Variants in BBS9 observed in about 807,000 individuals in gnomAD.
BBS9 encodes protein PTHB1.
In BBS9, 89 loss-of-function variants were observed where a neutral mutation model predicts 117.7. The observed-to-expected ratio is 0.76, with a 90% CI of 0.64 to 0.90. The LOEUF (loss-of-function observed/expected upper bound fraction) is 0.90. Ranked by LOEUF, BBS9 falls within the 40% of genes least tolerant of loss-of-function variation. The pLI is 0.00. For synonymous variants in BBS9, 379 were observed against 370.9 expected, an observed-to-expected ratio of 1.02 and a Z score of -0.25; for missense variants, 982 against 1,042.2, an observed-to-expected ratio of 0.94 and a Z score of 0.80.
intron 5 of BBS9, among the ~76,000 whole-genome samples, chr7:33,187,553 C>T (rs771071791): frequency 6.6e-6 from 1 of 152,134 alleles, no homozygotes; most frequent in Non-Finnish European, 1.5e-5. Flanking sequence ...CTCATCCATT[C>T]GATGCATATT....
At chr7:33,247,674 C>G (rs969955329) in intron 5 of BBS9, among the ~76,000 whole-genome samples, 1 of 152,152 alleles carries the variant, frequency 6.6e-6, no homozygotes, top group Non-Finnish European at 1.5e-5. Context: ...CCCATGTTCA[C>G]CCAACTTTCT....
At chr7:33,140,021 T>G (rs1309277618) in intron 1 of BBS9, among the ~76,000 whole-genome samples, 1 of 151,978 alleles carries the variant, frequency 6.6e-6, no homozygotes, top group Non-Finnish European at 1.5e-5. Context: ...TCTGGTAGAT[T>G]CCTCTTCTTT....
chr7:33,610,637 G>A (rs1864809154), downstream of BBS9, among the ~76,000 whole-genome samples: 2 of 152,032 alleles, frequency 1.3e-5, no homozygotes, highest in African/African-American at 4.8e-5. Flanking sequence ...TAACAGTCTC[G>A]CCTCTAAATA....
intron 19 of BBS9, among the ~76,000 whole-genome samples, chr7:33,406,798 A>G (rs1253766305): frequency 1.3e-5 from 2 of 152,182 alleles, no homozygotes; most frequent in Non-Finnish European, 2.9e-5. Context: ...TTCCGCCAAG[A>G]GATCCGCTGT....
At chr7:33,141,413 T>C (rs866035448) in intron 1 of BBS9, among the ~76,000 whole-genome samples, 1 of 152,082 alleles carries the variant, frequency 6.6e-6, no homozygotes, top group Admixed American at 6.6e-5. Flanking sequence ...AGAGCAAGAC[T>C]CCATTCCTCA....
intron 19 of BBS9, among the ~76,000 whole-genome samples, chr7:33,407,879 T>A (rs1830336135): frequency 1.3e-5 from 2 of 152,196 alleles, no homozygotes; most frequent in African/African-American, 2.4e-5. Flanking sequence ...TGCTCGTGGG[T>A]CAGGGGTCAG....
intron 21 of BBS9, among the ~76,000 whole-genome samples, chr7:33,556,171 GTC>G (rs1307081597): frequency 2.6e-5 from 4 of 152,302 alleles, no homozygotes; most frequent in Middle Eastern, 3.4e-3. Flanking sequence ...TAGACAGCAA[GTC>G]TCTCTCACGG....
chr7:33,258,297 G>C (rs1416684874), intron 6 of BBS9, among the ~76,000 whole-genome samples: 1 of 152,086 alleles, frequency 6.6e-6, no homozygotes, highest in Non-Finnish European at 1.5e-5. Flanking sequence ...TCCCAAGATG[G>C]GAAGAAGATA....
At chr7:33,580,834 T>C (rs1859753052) in intron 21 of BBS9, among the ~76,000 whole-genome samples, 1 of 152,198 alleles carries the variant, frequency 6.6e-6, no homozygotes, top group Admixed American at 6.5e-5. Flanking sequence ...TTTATATGCT[T>C]AGGGTTTCCA....
rs1056200376 is a variant in BBS9, at chr7:33,372,895, T to C, written c.1789+5033T>C. Among the ~76,000 whole-genome samples the C allele has an allele frequency of 3.9e-5, 6 of 152,292 alleles. No homozygotes were observed. The South Asian group carries it at 6.2e-4, about 16-fold the overall frequency. On this transcript the variant is annotated intron_variant, in intron 17 of 22. Coordinates refer to ENST00000242067, the MANE Select transcript of BBS9 (RefSeq NM_198428.3). ...AGTTCAATCTTGGTAGGTTTATGTA[T>C]CCAGGAATTTATCATTTCTTGTAAG...
intron 9 of BBS9, among the ~76,000 whole-genome samples, chr7:33,305,055 T>TGCTGACC (rs1380238974): frequency 6.6e-6 from 1 of 151,974 alleles, no homozygotes; most frequent in Admixed American, 6.5e-5. Flanking sequence ...TGTGTTTATC[T>TGCTGACC]GCTGACCTTC....
intron 20 of BBS9, among the ~76,000 whole-genome samples, chr7:33,523,181 T>A (rs1388401138): frequency 6.8e-6 from 1 of 147,680 alleles, no homozygotes; most frequent in African/African-American, 2.5e-5. Flanking sequence ...TCAGGTAGTG[T>A]GATGCCTCCA....
intron 4 of BBS9, among the ~76,000 whole-genome samples, chr7:33,158,329 T>C (rs1794371732): frequency 6.6e-6 from 1 of 152,204 alleles, no homozygotes; most frequent in Non-Finnish European, 1.5e-5. Flanking sequence ...TGAATATTCA[T>C]GTATTTTCTA....
At chr7:33,408,247 C>G (rs934977804) in intron 19 of BBS9, among the ~76,000 whole-genome samples, 3 of 152,152 alleles carry the variant, frequency 2.0e-5, no homozygotes, top group Non-Finnish European at 4.4e-5. Flanking sequence ...GAGCCAGGTG[C>G]GGGATATAAT....
intron 21 of BBS9, among the ~76,000 whole-genome samples, chr7:33,563,792 A>C (rs1856455881): frequency 6.6e-6 from 1 of 152,168 alleles, no homozygotes; most frequent in Non-Finnish European, 1.5e-5. Context: ...TATGACTGCA[A>C]TATAGTATCT....
chr7:33,516,356 G>A (rs544591860), intron 20 of BBS9, among the ~76,000 whole-genome samples: 3 of 152,032 alleles, frequency 2.0e-5, no homozygotes, highest in African/African-American at 7.2e-5. Flanking sequence ...TGGTGCGGTG[G>A]CAGGCACCTG....
chr7:33,292,296 T>C (rs1271859635), intron 9 of BBS9, among the ~76,000 whole-genome samples: 1 of 151,960 alleles, frequency 6.6e-6, no homozygotes, highest in Non-Finnish European at 1.5e-5. Flanking sequence ...GGTGTGCCCA[T>C]AGCTCACTGC....
At chr7:33,152,202 G>A (rs554715135) in intron 2 of BBS9, among the ~76,000 whole-genome samples, 1 of 151,926 alleles carries the variant, frequency 6.6e-6, no homozygotes, top group South Asian at 2.1e-4. Flanking sequence ...TCTTTTTTTG[G>A]GGGGACACAA....
intron 6 of BBS9, among the ~76,000 whole-genome samples, chr7:33,259,015 G>A (rs1326311044): frequency 6.6e-6 from 1 of 152,048 alleles, no homozygotes; most frequent in Non-Finnish European, 1.5e-5. Context: ...CGAGATTATT[G>A]TGAAATGATG....
Sources: gnomAD v4.1 joint callset for allele counts (sites outside exome capture counted in the v4.1 genomes callset) on GRCh38, gnomAD v4.1.1 for gene constraint, MANE v1.5 for transcripts, NCBI Gene and HGNC (gene_info 2026-07-23, HGNC 2026-07-21) for gene names.